UBE2U: variants seen among roughly 807,000 people sequenced by gnomAD.
The protein encoded by UBE2U is ubiquitin conjugating enzyme E2 U.
UBE2U carries 39 observed loss-of-function variants against 41.2 expected under a neutral mutation model. The observed-to-expected ratio is 0.95, with a 90% CI of 0.73 to 1.24. The LOEUF is 1.24. Among genes scored for constraint, UBE2U ranks in the 50% most tolerant of loss-of-function variants. The pLI, the probability that UBE2U is intolerant of heterozygous loss-of-function variation, is 0.00. For synonymous variants in UBE2U, 107 were observed against 117.8 expected, an observed-to-expected ratio of 0.91 and a Z score of 0.60; for missense variants, 336 against 363.1, an observed-to-expected ratio of 0.93 and a Z score of 0.61.
At chr1:64,251,023 C>A (rs1044523143) in intron 8 of UBE2U, among the ~76,000 whole-genome samples, 1 of 151,788 alleles carries the variant, frequency 6.6e-6, no homozygotes, top group Non-Finnish European at 1.5e-5. Flanking sequence ...TGTAACCAAC[C>A]TGCAGGTTGT....
chr1:64,219,822 T>C (rs1652310366), intron 5 of UBE2U, among the ~76,000 whole-genome samples: 1 of 152,120 alleles, frequency 6.6e-6, no homozygotes, highest in African/African-American at 2.4e-5. Flanking sequence ...ATGGTCTCGA[T>C]CTCCTGACCT....
Position 64,239,172 on chromosome 1 carries a change from G to GAAGAAGAAGAAGAAGAAGAAGAAGAAGAA in UBE2U, c.596-2460_596-2459insGAAGAAGAAAAGAAGAAGAAGAAGAAGAA, listed in dbSNP as rs1644779769. ...GAAGAAGAAGAAAGAAGAAGAAGAA[G>GAAGAAGAAGAAGAAGAAGAAGAAGAAGAA]AAGAAGAAGAAGAAGAAGAAAGCCC... On this transcript the variant is annotated intron_variant, in intron 7 of 9. Transcript: ENST00000371077. 7.3e-5 allele frequency among the ~76,000 whole-genome samples: 7 copies of GAAGAAGAAGAAGAAGAAGAAGAAGAAGAA among 95,694 alleles called. 1 individual carries two copies. Among genetic ancestry groups the GAAGAAGAAGAAGAAGAAGAAGAAGAAGAA allele is most frequent in the African/African-American group, 2.3e-4 (5 of 21,334 alleles). The allele number at this position is 95,694 out of a possible 152,430, so 62.8% of individuals were successfully genotyped here. A position where few individuals can be genotyped will look rare whatever the true frequency, so the allele number is the denominator to read the frequency against.
chr1:64,239,696 A>G (rs1266379386), intron 7 of UBE2U, among the ~76,000 whole-genome samples: 2 of 151,170 alleles, frequency 1.3e-5, no homozygotes, highest in Non-Finnish European at 2.9e-5. Flanking sequence ...AAGTACATGA[A>G]CTCATCATTT....
intron 6 of UBE2U, among the ~76,000 whole-genome samples, chr1:64,225,274 T>C (rs181167134): frequency 6.6e-6 from 1 of 152,242 alleles, no homozygotes; most frequent in East Asian, 1.9e-4. Flanking sequence ...GGGAGAGTAA[T>C]GTGAAGACCC....
intron 8 of UBE2U, among the ~76,000 whole-genome samples, chr1:64,248,530 C>T (rs1425115181): frequency 2.0e-5 from 3 of 150,824 alleles, no homozygotes; most frequent in Non-Finnish European, 4.4e-5. Context: ...ATGTGAGAAA[C>T]TTAAAAATGA....
chr1:64,260,231 A>G (rs745865629), intron 8 of UBE2U, among the ~76,000 whole-genome samples: 6 of 152,162 alleles, frequency 3.9e-5, no homozygotes, highest in African/African-American at 1.4e-4. Context: ...TTCCAGAACT[A>G]TGAGAGAATA....
At chr1:64,239,186 A>G (rs188122550) in intron 7 of UBE2U, among the ~76,000 whole-genome samples, 5,332 of 146,604 alleles carry the variant, frequency 0.036, 197 homozygotes, top group Non-Finnish European at 0.058. Flanking sequence ...AAGAAGAAGA[A>G]GAAGAAAGCC....
In UBE2U at chr1:64,248,569, G is replaced by T. The variant is rs866875631; in HGVS notation, c.677+6836G>T. Among the ~76,000 whole-genome samples, 49 of 144,726 alleles carry T rather than the reference G, an allele frequency of 3.4e-4. 1 individual carries two copies. The South Asian group carries it at 3.7e-3, about 11-fold the overall frequency. The allele number at this position is 144,726 out of a possible 152,430, so 94.9% of individuals were successfully genotyped here. ...AGCATTAGGGTTTTTCATTTTACTT[G>T]TTTTTTTTTTTTACTTAATATTATG... On this transcript the variant is annotated intron_variant, in intron 8 of 9. Coordinates refer to ENST00000371077, the MANE Select transcript of UBE2U (RefSeq NM_001366232.2).
intron 6 of UBE2U, among the ~76,000 whole-genome samples, chr1:64,229,545 C>T (rs1019069878): frequency 5.3e-5 from 8 of 152,108 alleles, no homozygotes; most frequent in Admixed American, 3.9e-4. Context: ...ACACACTTAA[C>T]AAGTAGAAGT....
chr1:64,220,884 T>C lies in UBE2U; in HGVS notation c.483T>C (p.Pro161=), dbSNP rs1177240022. The change falls in exon 6 of 10, where the codon CCT becomes CCC. Residue 161 remains proline, a synonymous_variant. Transcript: ENST00000371077. ...TGAAAGATGACAGCCAGGAGTTACC[T>C]AAAGACCCACGTAAATGTATCAGGT... ...LQMKDDSQEL[P]KDPRKCIRPI... 9 of 1,606,524 alleles carry C rather than the reference T, an allele frequency of 5.6e-6. No individual in the cohort carries two copies. Among genetic ancestry groups the C allele is most frequent in the African/African-American group, 1.3e-5 (1 of 74,450 alleles).
chr1:64,253,937 C>CT (rs1385921353), intron 8 of UBE2U, among the ~76,000 whole-genome samples: 8 of 152,074 alleles, frequency 5.3e-5, no homozygotes, highest in Non-Finnish European at 1.2e-4. Context: ...TGCAAATGTG[C>CT]TAAACGCCCC....
At chr1:64,241,505 C>A in intron 7 of UBE2U, 147 bp from the exon 8 acceptor site, 1 of 522,576 alleles carries the variant, frequency 1.9e-6, no homozygotes, top group Non-Finnish European at 3.4e-6. Flanking sequence ...TGGAAAGTTT[C>A]TAAGGATTGT....
chr1:64,245,782 C>T (rs979854217), intron 8 of UBE2U, among the ~76,000 whole-genome samples: 2 of 152,094 alleles, frequency 1.3e-5, no homozygotes, highest in South Asian at 2.1e-4. Flanking sequence ...TGATTCCTAA[C>T]CTCCTTTTCA....
rs184730026 is a variant in UBE2U at position 64,244,080 on chromosome 1, C to T, written c.677+2347C>T. 4,642 of 1,336,966 alleles carry T rather than the reference C, an allele frequency of 3.5e-3. 8 individuals carry two copies. The highest frequency in any genetic ancestry group is 3.7e-3 in the Non-Finnish European group (3,433 of 930,330). The allele number at this position is 1,336,966 out of a possible 1,614,324, so 82.8% of individuals were successfully genotyped here. ...GCATGGCAAGCACTCATAAAGTTCG[C>T]TATTATTCATGCTTTTAAAACTTTA... On this transcript the variant is annotated intron_variant, in intron 8 of 9. Coordinates refer to ENST00000371077, the MANE Select transcript of UBE2U (RefSeq NM_001366232.2).
chr1:64,231,339 G>GA (rs1644561696), intron 6 of UBE2U, among the ~76,000 whole-genome samples: 1 of 152,114 alleles, frequency 6.6e-6, no homozygotes, highest in African/African-American at 2.4e-5. Context: ...AATGATCTGT[G>GA]ACAGCAAATT....
chr1:64,240,802 C>T (rs1045596516), intron 7 of UBE2U, among the ~76,000 whole-genome samples: 5 of 152,136 alleles, frequency 3.3e-5, no homozygotes, highest in African/African-American at 7.2e-5. Context: ...CACTCTGTCA[C>T]ACAGGCTGGA....
At chr1:64,227,582 A>C (rs1365864295) in intron 6 of UBE2U, among the ~76,000 whole-genome samples, 3 of 152,158 alleles carry the variant, frequency 2.0e-5, no homozygotes, top group African/African-American at 7.2e-5. Flanking sequence ...TGGGCAGATC[A>C]TCTGAGGTCG....
At chr1:64,214,216 G>A (rs963425721) in intron 4 of UBE2U, among the ~76,000 whole-genome samples, 15 of 152,118 alleles carry the variant, frequency 9.9e-5, no homozygotes, top group African/African-American at 1.7e-4. Context: ...ATATCTCACC[G>A]TTCAATACAG....
intron 4 of UBE2U, among the ~76,000 whole-genome samples, chr1:64,214,188 T>C (rs1651835011): frequency 2.6e-5 from 4 of 152,222 alleles, no homozygotes; most frequent in African/African-American, 9.6e-5. Context: ...ACTTTCTGCA[T>C]TGATGGAAAT....
Sources: gnomAD v4.1 joint callset for allele counts (sites outside exome capture counted in the v4.1 genomes callset) on GRCh38, gnomAD v4.1.1 for gene constraint, MANE v1.5 for transcripts, NCBI Gene and HGNC (gene_info 2026-07-23, HGNC 2026-07-21) for gene names.